Variants in COL18A1 observed in about 807,000 individuals in gnomAD.
COL18A1 encodes the protein collagen alpha-1(XVIII) chain.
COL18A1 carries 133 observed loss-of-function variants against 168.0 expected under a neutral mutation model. That is an observed-to-expected ratio of 0.79 (90% CI 0.69 to 0.91). The LOEUF is 0.91. COL18A1 is among the 40% of genes least tolerant of loss of function. COL18A1 has a pLI of 0.00. For missense variants in COL18A1, 2,126 were observed against 1,925.4 expected (o/e 1.10, Z -1.95); for synonymous variants, 949 against 809.0 (o/e 1.17, Z -2.94).
At chr21:45,456,831 C>T (rs1182837168) in intron 2 of COL18A1, 7 of 1,516,554 alleles carry the variant, frequency 4.6e-6, no homozygotes, top group Non-Finnish European at 5.3e-6. Flanking sequence ...GCCTGTGCCT[C>T]GCTCCCGACC....
chr21:45,437,216 ACACACACAGACACACAGG>A (rs1569287397), intron 2 of COL18A1, among the ~76,000 whole-genome samples: 11 of 110,840 alleles, frequency 9.9e-5, no homozygotes, highest in East Asian at 6.0e-4. Context: ...TCCTGCACAC[ACACACACAGACACACAGG>A]CACTCTCCTG....
chr21:45,499,825 T>A (rs2036679546), intron 32 of COL18A1, among the ~76,000 whole-genome samples: 2 of 151,974 alleles, frequency 1.3e-5, no homozygotes, highest in Non-Finnish European at 2.9e-5. Flanking sequence ...ACAGAGTAGA[T>A]CCAAAAGAAG....
rs1404354788 is a variant in COL18A1 at position 45,443,741 on chromosome 21, A to G, written c.107-24501A>G. On this transcript the variant is annotated intron_variant, in intron 2 of 41. Transcript: ENST00000651438. This position sits in a 1 kb window ranked among gnomAD's most constrained non-coding sequence, Gnocchi z 5.2. ...ATCAAGTGCCAATTTCCTGGTGAAG[A>G]GTCTTTATGAGAGCAATGCGGCCCC... Among the ~76,000 whole-genome samples, 3 of 152,150 alleles carry G rather than the reference A, an allele frequency of 2.0e-5. No homozygotes were observed. Among genetic ancestry groups the G allele is most frequent in the Admixed American group, 2.0e-4 (3 of 15,284 alleles).
rs531854464 is a variant in COL18A1 at position 45,475,923 on chromosome 21, G to A, written c.798+388G>A. Among the ~76,000 whole-genome samples, 9 of 152,378 alleles carry A rather than the reference G, an allele frequency of 5.9e-5. No individual in the cohort carries two copies. The South Asian group carries it at 1.7e-3, about 28-fold the overall frequency. On this transcript the variant is annotated intron_variant, in intron 5 of 41. Transcript: ENST00000651438. ...AGGAGGAGAAGGCGGCGCAGGGAGCGCGCGGAAGGCTTTCCCCAGCTCGGG... is the reference window on the plus strand; with the variant it reads ...AGGAGGAGAAGGCGGCGCAGGGAGCACGCGGAAGGCTTTCCCCAGCTCGGG...
intron 26 of COL18A1, chr21:45,493,807 A>C (rs1602549172): frequency 7.3e-6 from 4 of 545,696 alleles, no homozygotes; most frequent in South Asian, 4.4e-5. Flanking sequence ...CCCTGAGCCC[A>C]CCCTGCTGAG....
chr21:45,420,514 A>G (rs1381568012), intron 2 of COL18A1: 1 of 152,220 alleles, frequency 6.6e-6, no homozygotes, highest in Non-Finnish European at 1.5e-5. Context: ...CCCTCGGGGC[A>G]CCGAGAACAG....
chr21:45,409,411 T>C (rs1261528079), intron 2 of COL18A1, among the ~76,000 whole-genome samples: 1 of 152,132 alleles, frequency 6.6e-6, no homozygotes, highest in Non-Finnish European at 1.5e-5. Context: ...TGAAAGCAGT[T>C]TGGGGCACTG....
chr21:45,493,427 G>A (rs1263069456), intron 25 of COL18A1, 74 bp from the exon 26 acceptor site: 2 of 1,427,564 alleles, frequency 1.4e-6, no homozygotes, highest in Non-Finnish European at 1.9e-6. Context: ...CAGCGGCCCT[G>A]CCTTCGGGGC....
At chr21:45,490,756 T>C in intron 20 of COL18A1, 80 bp from the exon 21 acceptor site, 1 of 1,438,890 alleles carries the variant, frequency 6.9e-7, no homozygotes, top group Non-Finnish European at 9.6e-7. Flanking sequence ...ACCCCACATC[T>C]TCATCAGAGC....
At position 45,437,800 on chromosome 21, in the gene COL18A1, ACAGGCACT is replaced by A. The variant is rs567813041; in HGVS notation, c.107-30440_107-30433del. Reference sequence around the variant, plus strand: ...CACACACTCACTCACACACAGACACACAGGCACTCTCCTGCACACACTCACACTCAGAC... The same window carrying A: ...CACACACTCACTCACACACAGACACACTCCTGCACACACTCACACTCAGAC... On this transcript the variant is annotated intron_variant, in intron 2 of 41. Coordinates refer to ENST00000651438, the MANE Select transcript of COL18A1 (RefSeq NM_001379500.1). Among the ~76,000 whole-genome samples the A allele has an allele frequency of 3.9e-3, 275 of 70,398 alleles. 44 individuals are homozygous for A. The highest frequency in any genetic ancestry group is 5.2e-3 in the Non-Finnish European group (214 of 41,230). The allele number at this position is 70,398 out of a possible 152,430, so 46.2% of individuals were successfully genotyped here.
At chr21:45,441,231 C>T (rs957974084) in intron 2 of COL18A1, among the ~76,000 whole-genome samples, 13 of 152,306 alleles carry the variant, frequency 8.5e-5, no homozygotes, top group Admixed American at 5.9e-4. Context: ...TGGCCCTGGT[C>T]CCTCACCTCT....
intron 11 of COL18A1, 52 bp downstream of exon 11, chr21:45,480,208 C>T: frequency 8.4e-7 from 1 of 1,190,108 alleles, no homozygotes; most frequent in Non-Finnish European, 1.2e-6. Flanking sequence ...TCCTCAAAAG[C>T]AGGCACTGCC....
Position 45,476,424 on chromosome 21 carries a change from C to T in COL18A1, c.872C>T (p.Thr291Met), listed in dbSNP as rs201652671. 4.0e-5 allele frequency: 65 copies of T among 1,614,086 alleles called. No individual in the cohort carries two copies. In the Middle Eastern group the frequency reaches 8.2e-4, roughly 20 times the overall value. Residue 291 changes from threonine to methionine, a missense_variant, in exon 6 of 42, where the codon ACG (threonine) becomes ATG (methionine). Transcript: ENST00000651438. ...CCACCCTTGGCTGGAGGCAGCAGCA[C>T]GGAAGATTCCAGAAGTGAAGAAGTC... ...TTPPLAGGSS[T>M]EDSRSEEVEE... is the part of the protein sequence containing the mutation.
rs36191798 is a variant in COL18A1 at position 45,501,904 on chromosome 21, C to T, written c.2684-2107C>T. Among the ~76,000 whole-genome samples the T allele has an allele frequency of 2.2e-3, 212 of 94,554 alleles. 1 individual carries two copies. Among genetic ancestry groups the T allele is most frequent in the African/African-American group, 3.0e-3 (66 of 21,742 alleles). The allele number at this position is 94,554 out of a possible 152,430, so 62.0% of individuals were successfully genotyped here. A position where few individuals can be genotyped will look rare whatever the true frequency, so the allele number is the denominator to read the frequency against. ...GTCACCTCCCTCTGCAGAAGGACCCCCAGGGGCTCCACAGCCGGTCACCTC... is the reference window on the plus strand; with the variant it reads ...GTCACCTCCCTCTGCAGAAGGACCCTCAGGGGCTCCACAGCCGGTCACCTC... On this transcript the variant is annotated intron_variant, in intron 32 of 41. Coordinates refer to ENST00000651438, the MANE Select transcript of COL18A1 (RefSeq NM_001379500.1).
At chr21:45,440,925 C>T (rs1458869798) in intron 2 of COL18A1, among the ~76,000 whole-genome samples, 2 of 152,204 alleles carry the variant, frequency 1.3e-5, no homozygotes, top group East Asian at 1.9e-4. Context: ...GCAAGATCAG[C>T]ACTTCTAGGA....
intron 29 of COL18A1, chr21:45,495,704 AC>A (rs2036510482): frequency 4.7e-6 from 2 of 421,978 alleles, no homozygotes; most frequent in Non-Finnish European, 8.6e-6. Context: ...GCCCATACAC[AC>A]GCGCACACAT....
At chr21:45,451,928 T>G (rs994944082) in intron 2 of COL18A1, among the ~76,000 whole-genome samples, 1 of 152,208 alleles carries the variant, frequency 6.6e-6, no homozygotes, top group Non-Finnish European at 1.5e-5. Flanking sequence ...GCCAAGTGGT[T>G]CCTGCCTTCC....
At chr21:45,484,659 CACAT>C (rs1454634663) in intron 15 of COL18A1, among the ~76,000 whole-genome samples, 3 of 144,366 alleles carry the variant, frequency 2.1e-5, no homozygotes, top group Admixed American at 1.4e-4. Flanking sequence ...CTCTTATGTG[CACAT>C]ACACACACAT....
At chr21:45,434,061 G>GTGTGTGAGCAGGTGCGTGGGCCAGA (rs1569285677) in intron 2 of COL18A1, among the ~76,000 whole-genome samples, 7 of 138,300 alleles carry the variant, frequency 5.1e-5, no homozygotes, top group African/African-American at 2.0e-4. Flanking sequence ...CATGGGCCAG[G>GTGTGTGAGCAGGTGCGTGGGCCAGA]TGTGTGAGCA....
Sources: gnomAD v4.1 joint callset for allele counts (sites outside exome capture counted in the v4.1 genomes callset) on GRCh38, gnomAD v4.1.1 for gene constraint, Gnocchi (gnomAD v3.1) non-coding constraint, MANE v1.5 for transcripts, NCBI Gene and HGNC (gene_info 2026-07-23, HGNC 2026-07-21) for gene names.